ARHGEF16: variants seen among roughly 807,000 people sequenced by gnomAD.
ARHGEF16 encodes Rho guanine nucleotide exchange factor 16.
In ARHGEF16, 59 loss-of-function variants were observed where a neutral mutation model predicts 74.1. The ratio of observed to expected loss-of-function variants is 0.80; its 90% CI spans 0.65 to 0.99. The LOEUF (loss-of-function observed/expected upper bound fraction) is 0.99. Ranked by LOEUF, ARHGEF16 falls within the 50% of genes least tolerant of loss-of-function variation. The probability of loss-of-function intolerance (pLI) is 0.00; values close to 1 mark genes in which losing one functional copy is unlikely to be tolerated. For synonymous variants in ARHGEF16, 415 were observed against 412.6 expected (o/e 1.01, Z -0.07); for missense variants, 948 against 986.6 (o/e 0.96, Z 0.52).
chr1:3,469,409 G>T (rs1639640598), intron 5 of ARHGEF16, 24 bp from the exon 6 acceptor site: 2 of 1,611,544 alleles, frequency 1.2e-6, no homozygotes, highest in Non-Finnish European at 1.7e-6. Flanking sequence ...TCACTGTGGG[G>T]CTCACCTAGG....
intron 11 of ARHGEF16, 198 bp from the exon 12 acceptor site, chr1:3,478,226 C>T: frequency 1.1e-6 from 1 of 906,594 alleles, no homozygotes; most frequent in Non-Finnish European, 1.7e-6. Flanking sequence ...CCTCTGCAGA[C>T]CTGGGTCTGC....
chr1:3,458,420 G>GCCCACTCAGCCCCTC (rs1639313618), intron 1 of ARHGEF16, among the ~76,000 whole-genome samples: 1 of 152,214 alleles, frequency 6.6e-6, no homozygotes, highest in African/African-American at 2.4e-5. Flanking sequence ...AAAGGAGTCT[G>GCCCACTCAGCCCCTC]CCCTCTCAGC....
Position 3,478,034 on chromosome 1 carries a change from T to C in ARHGEF16, c.1625+8T>C, listed in dbSNP as rs781369517. 10 of 1,612,520 alleles carry C rather than the reference T, an allele frequency of 6.2e-6. No individual in the cohort carries two copies. In the East Asian group the frequency reaches 2.0e-4, roughly 32 times the overall value. On this transcript the variant is annotated splice_region_variant and intron_variant, in intron 11 of 14. Coordinates refer to ENST00000378378, the MANE Select transcript of ARHGEF16 (RefSeq NM_014448.4). ...TGTGACCAAGAAGAAGAGGTGGCCT[T>C]AGGGCAGGAGGGTGTGGGGAGCCCC... is the stretch of plus-strand genomic sequence containing the variant.
intron 1 of ARHGEF16, among the ~76,000 whole-genome samples, chr1:3,458,521 A>G (rs1639318341): frequency 6.6e-6 from 1 of 152,244 alleles, no homozygotes; most frequent in Non-Finnish European, 1.5e-5. Flanking sequence ...GGCCTGCAGG[A>G]CAGGCTTCAG....
intron 1 of ARHGEF16, among the ~76,000 whole-genome samples, chr1:3,461,330 G>T (rs1639387658): frequency 6.6e-6 from 1 of 152,362 alleles, no homozygotes; most frequent in East Asian, 1.9e-4. Context: ...CCTCACACCG[G>T]CCAGGCCTGT....
intron 1 of ARHGEF16, among the ~76,000 whole-genome samples, chr1:3,460,832 G>A (rs1334673176): frequency 6.6e-6 from 1 of 152,124 alleles, no homozygotes; most frequent in Non-Finnish European, 1.5e-5. Context: ...CAGCGTGGGG[G>A]CCGTCCCTCC....
At chr1:3,469,909 G>T (rs1479649341) in intron 6 of ARHGEF16, among the ~76,000 whole-genome samples, 1 of 152,192 alleles carries the variant, frequency 6.6e-6, no homozygotes, top group Non-Finnish European at 1.5e-5. Flanking sequence ...AGGCACAGAG[G>T]GCTGCATGAT....
chr1:3,477,734 C>A, intron 10 of ARHGEF16, 141 bp from the exon 11 acceptor site: 1 of 757,294 alleles, frequency 1.3e-6, no homozygotes, highest in Non-Finnish European at 2.1e-6. Flanking sequence ...CTGAGGGCAG[C>A]CAGCTGGTCA....
intron 6 of ARHGEF16, chr1:3,472,657 CA>C (rs1464032029): frequency 6.2e-6 from 1 of 161,404 alleles, no homozygotes; most frequent in African/African-American, 2.4e-5. Context: ...GCTGGTGCGG[CA>C]GCGGGGGCCC....
At chr1:3,469,341 C>G (rs1639638448) in intron 5 of ARHGEF16, 92 bp from the exon 6 acceptor site, 3 of 1,478,708 alleles carry the variant, frequency 2.0e-6, no homozygotes, top group Non-Finnish European at 2.8e-6. Context: ...GCCCCTGCCA[C>G]CCGGGTCACG....
At chr1:3,465,315 G>A (rs1639509255) in intron 2 of ARHGEF16, among the ~76,000 whole-genome samples, 1 of 152,210 alleles carries the variant, frequency 6.6e-6, no homozygotes, top group African/African-American at 2.4e-5. Flanking sequence ...GGAGCACAGA[G>A]GAGGGGGCTC....
intron 1 of ARHGEF16, among the ~76,000 whole-genome samples, chr1:3,460,848 G>A (rs1435499320): frequency 1.3e-5 from 2 of 152,168 alleles, no homozygotes; most frequent in African/African-American, 4.8e-5. Flanking sequence ...CCTCCCTGGG[G>A]CCTGGGAGGC....
chr1:3,469,448 C>G lies in ARHGEF16; in HGVS notation c.877C>G (p.Leu293Val). The change falls in exon 6 of 15, where the codon CTC becomes GTC. Residue 293 changes from leucine to valine, a missense_variant. Leu to Val is a conservative substitution (Grantham distance 32). Coordinates refer to ENST00000378378, the MANE Select transcript of ARHGEF16 (RefSeq NM_014448.4). Reference protein sequence around the residue: ...RKRQEAMFEILTSEFSYQHSL... With the variant: ...RKRQEAMFEIVTSEFSYQHSL... The stretch of plus-strand genomic sequence containing the variant: ...CTCTCCACAGGCCATGTTCGAGATC[C>G]TCACGTCGGAGTTCTCCTACCAGCA... The G allele has an allele frequency of 6.2e-7, 1 of 1,612,956 alleles. No homozygotes were observed. Among genetic ancestry groups the G allele is most frequent in the Non-Finnish European group, 8.5e-7 (1 of 1,179,950 alleles).
chr1:3,472,858 C>T (rs375259386), intron 6 of ARHGEF16: 13 of 565,942 alleles, frequency 2.3e-5, no homozygotes, highest in African/African-American at 1.3e-4. Context: ...GTAAGGAGCC[C>T]CAGGCCTCTG....
intron 13 of ARHGEF16, 33 bp downstream of exon 13, chr1:3,479,623 C>G (rs565173661): frequency 6.2e-7 from 1 of 1,602,354 alleles, no homozygotes. Flanking sequence ...AGGGCTGGCC[C>G]TCTGCCGTGG....
chr1:3,480,154 C>T (rs1259976791), intron 14 of ARHGEF16, among the ~76,000 whole-genome samples: 2 of 152,186 alleles, frequency 1.3e-5, no homozygotes, highest in Admixed American at 6.5e-5. Flanking sequence ...AGGGGATCCC[C>T]GCTCAGCCAG....
chr1:3,463,701 G>A, intron 2 of ARHGEF16, 29 bp downstream of exon 2: 2 of 1,375,248 alleles, frequency 1.5e-6, no homozygotes, highest in South Asian at 2.1e-5. Context: ...GGACCGTGGG[G>A]AGGGGGCTGC....
At chr1:3,477,369 G>GC (rs945812878) in intron 10 of ARHGEF16, among the ~76,000 whole-genome samples, 2 of 868 alleles carry the variant, frequency 2.3e-3, no homozygotes, top group African/African-American at 0.01. Context: ...CCATCCTTCT[G>GC]CCCCCCACTG....
chr1:3,470,346 G>A (rs567705369), intron 6 of ARHGEF16, among the ~76,000 whole-genome samples: 2 of 151,988 alleles, frequency 1.3e-5, no homozygotes, highest in Admixed American at 6.5e-5. Flanking sequence ...GGACAGGGTT[G>A]TGTGTGCGTG....
Sources: allele counts gnomAD v4.1 joint callset (sites outside exome capture counted in the v4.1 genomes callset), GRCh38; gene constraint gnomAD v4.1.1; transcripts MANE v1.5; gene names NCBI Gene and HGNC (gene_info 2026-07-23, HGNC 2026-07-21).